Variants in ZC4H2 observed in about 807,000 individuals in gnomAD.
ZC4H2 encodes the protein zinc finger C4H2 domain-containing protein.
For synonymous variants in ZC4H2, 84 were observed against 66.3 expected, an observed-to-expected ratio of 1.27 and a Z score of -1.30; for missense variants, 137 against 173.9, an observed-to-expected ratio of 0.79 and a Z score of 1.19.
At chrX:65,003,030 C>G (rs781336439) in intron 1 of ZC4H2, among the ~76,000 whole-genome samples, 2 of 86,076 alleles carry the variant, frequency 2.3e-5, no homozygotes, top group Non-Finnish European at 4.5e-5. Context: ...TCCCCCTCTG[C>G]GAGAAACACC....
intron 1 of ZC4H2, among the ~76,000 whole-genome samples, chrX:64,944,918 C>A (rs1314245365): frequency 8.9e-6 from 1 of 112,450 alleles, no homozygotes; most frequent in African/African-American, 3.2e-5. Flanking sequence ...GCTGTGTTTT[C>A]AGCTCCATCA....
At chrX:64,943,206 T>C (rs1428310044) in intron 1 of ZC4H2, among the ~76,000 whole-genome samples, 1 of 112,190 alleles carries the variant, frequency 8.9e-6, no homozygotes, top group Non-Finnish European at 1.9e-5. Flanking sequence ...AGACTGTTTG[T>C]TATTATGTCT....
chrX:64,963,540 T>C (rs964988505), intron 1 of ZC4H2, among the ~76,000 whole-genome samples: 1 of 109,058 alleles, frequency 9.2e-6, no homozygotes, highest in Non-Finnish European at 1.9e-5. Flanking sequence ...TATCTGATAA[T>C]GGATTAATTT....
chrX:64,997,319 C>A (rs980188208), intron 1 of ZC4H2, among the ~76,000 whole-genome samples: 1 of 112,239 alleles, frequency 8.9e-6, no homozygotes, highest in Non-Finnish European at 1.9e-5. Flanking sequence ...TTCATTAACA[C>A]TGGACCACCC....
chrX:65,026,467 T>C (rs1932879809), intron 1 of ZC4H2, among the ~76,000 whole-genome samples: 1 of 110,789 alleles, frequency 9.0e-6, no homozygotes, highest in South Asian at 3.9e-4. Context: ...TCCCAGCACT[T>C]TGGGAGGCCG....
At chrX:64,938,255 TA>T (rs1930105039) in intron 1 of ZC4H2, among the ~76,000 whole-genome samples, 1 of 112,000 alleles carries the variant, frequency 8.9e-6, no homozygotes, top group Non-Finnish European at 1.9e-5. Flanking sequence ...AATCTCTGAA[TA>T]GACTAATAAC....
intron 1 of ZC4H2, among the ~76,000 whole-genome samples, chrX:65,021,909 T>C (rs1450358652): frequency 2.7e-5 from 3 of 111,550 alleles, no homozygotes; most frequent in African/African-American, 9.8e-5. Flanking sequence ...TCTATGCAAA[T>C]AAACTAGAAC....
At chrX:65,029,912 A>T (rs1932917607) in intron 1 of ZC4H2, among the ~76,000 whole-genome samples, 1 of 110,844 alleles carries the variant, frequency 9.0e-6, no homozygotes, top group African/African-American at 3.3e-5. Context: ...ACCAAAAAAA[A>T]AAAGGATTGC....
At chrX:64,947,940 A>G (rs1230380331) in intron 1 of ZC4H2, among the ~76,000 whole-genome samples, 2 of 110,471 alleles carry the variant, frequency 1.8e-5, no homozygotes, top group African/African-American at 6.6e-5. Flanking sequence ...TGATTCATGA[A>G]TTGTTCATTG....
intron 1 of ZC4H2, among the ~76,000 whole-genome samples, chrX:64,945,767 G>A (rs976138481): frequency 9.0e-6 from 1 of 111,175 alleles, no homozygotes; most frequent in Non-Finnish European, 1.9e-5. Context: ...TTTTTCCCGA[G>A]ACGCCCTGCC....
chrX:64,959,437 A>C (rs1354391547), intron 1 of ZC4H2, among the ~76,000 whole-genome samples: 2 of 101,817 alleles, frequency 2.0e-5, no homozygotes, highest in African/African-American at 7.2e-5. Context: ...ATTATTTTGT[A>C]CACTACTAAG....
At chrX:64,921,466 A>C (rs1474248789) in intron 2 of ZC4H2, among the ~76,000 whole-genome samples, 1 of 112,078 alleles carries the variant, frequency 8.9e-6, no homozygotes, top group African/African-American at 3.2e-5. Context: ...TTTAAACTAC[A>C]TTCCAGAGGC....
At chrX:64,927,873 T>C (rs1929501068) in intron 1 of ZC4H2, among the ~76,000 whole-genome samples, 1 of 112,761 alleles carries the variant, frequency 8.9e-6, no homozygotes, top group Non-Finnish European at 1.9e-5. Flanking sequence ...ATTTCTCTAA[T>C]GACCAGTGAT....
chrX:64,983,770 A>G (rs1332103531), intron 1 of ZC4H2, among the ~76,000 whole-genome samples: 1 of 111,927 alleles, frequency 8.9e-6, no homozygotes, highest in Non-Finnish European at 1.9e-5. Context: ...CATTTAACTT[A>G]AAAAAGTTTT....
chrX:65,034,068 G>A (rs774739850), intron 1 of ZC4H2, among the ~76,000 whole-genome samples: 21 of 95,537 alleles, frequency 2.2e-4, no homozygotes, highest in Non-Finnish European at 3.8e-4. Flanking sequence ...CAGCCTGGGC[G>A]ACAGAGTAAG....
intron 1 of ZC4H2, among the ~76,000 whole-genome samples, chrX:64,953,937 G>T (rs1189266399): frequency 1.8e-5 from 2 of 111,053 alleles, no homozygotes; most frequent in East Asian, 5.6e-4. Context: ...AACAATGATA[G>T]ACTGGATTAA....
intron 1 of ZC4H2, among the ~76,000 whole-genome samples, chrX:64,998,650 T>C (rs1474640097): frequency 2.7e-5 from 3 of 111,739 alleles, no homozygotes; most frequent in East Asian, 5.6e-4. Flanking sequence ...TTAAGTCCTC[T>C]ATATCCTTAC....
At chrX:64,998,550 T>C (rs1397186317) in intron 1 of ZC4H2, among the ~76,000 whole-genome samples, 1 of 111,835 alleles carries the variant, frequency 8.9e-6, no homozygotes, top group Non-Finnish European at 1.9e-5. Context: ...TAACATATCA[T>C]CTATCCTCAA....
At chrX:64,998,892 T>A (rs1932469633) in intron 1 of ZC4H2, among the ~76,000 whole-genome samples, 1 of 110,338 alleles carries the variant, frequency 9.1e-6, no homozygotes, top group South Asian at 3.8e-4. Flanking sequence ...TTTAAATTGA[T>A]TTTGTCTGAT....
Sources: allele counts gnomAD v4.1 joint callset (sites outside exome capture counted in the v4.1 genomes callset), GRCh38; gene constraint gnomAD v4.1.1; transcripts MANE v1.5; gene names NCBI Gene and HGNC (gene_info 2026-07-23, HGNC 2026-07-21).